The following DCDC2 variants were observed in gnomAD, a reference collection of about 807,000 sequenced individuals.
DCDC2 encodes the protein doublecortin domain containing 2, also known as doublecortin domain-containing protein 2.
In DCDC2, 40 loss-of-function variants were observed where a neutral mutation model predicts 50.2. That is an observed-to-expected ratio of 0.80 (90% confidence interval 0.62 to 1.04). DCDC2 has a LOEUF of 1.04. DCDC2 is among the 50% of genes least tolerant of loss of function. The pLI is 0.00. For missense variants in DCDC2, 570 were observed against 581.9 expected, an observed-to-expected ratio of 0.98 and a Z score of 0.21; for synonymous variants, 234 against 210.6, an observed-to-expected ratio of 1.11 and a Z score of -0.96.
chr6:24,343,398 A>C (rs1760198610), intron 2 of DCDC2, among the ~76,000 whole-genome samples: 1 of 152,190 alleles, frequency 6.6e-6, no homozygotes, highest in Non-Finnish European at 1.5e-5. Context: ...CATTCAATAA[A>C]AAGTTGAATA....
the DCDC2 span, among the ~76,000 whole-genome samples, chr6:24,376,404 G>A: frequency 6.6e-6 from 1 of 152,110 alleles, no homozygotes; most frequent in African/African-American, 2.4e-5. Context: ...CAATGGTGCT[G>A]GCAAGAGACA....
intron 2 of DCDC2, among the ~76,000 whole-genome samples, chr6:24,329,668 A>T (rs1335020977): frequency 6.6e-6 from 1 of 152,222 alleles, no homozygotes; most frequent in African/African-American, 2.4e-5. Context: ...CAAGAGGCCT[A>T]GCTTGCTTTG....
the DCDC2 span, among the ~76,000 whole-genome samples, chr6:24,382,863 AGTTTG>A: frequency 6.6e-6 from 1 of 152,188 alleles, no homozygotes; most frequent in East Asian, 1.9e-4. Flanking sequence ...GGTATAGTCC[AGTTTG>A]GACTATCAGT....
chr6:24,251,906 C>T (rs557060351), intron 7 of DCDC2, among the ~76,000 whole-genome samples: 19 of 152,222 alleles, frequency 1.2e-4, no homozygotes, highest in African/African-American at 4.3e-4. Context: ...ACATCAAATC[C>T]CTGTGCACAT....
At chr6:24,373,662 G>T in the DCDC2 span, among the ~76,000 whole-genome samples, 149,498 of 152,220 alleles carry the variant, frequency 0.98, 73,455 homozygotes, top group East Asian at 1. Context: ...GGGAGCACAT[G>T]GGGTTACTGC....
At chr6:24,359,470 A>AT (rs1479688036), upstream of DCDC2, among the ~76,000 whole-genome samples, 1 of 12,654 alleles carries the variant, frequency 7.9e-5, no homozygotes, top group South Asian at 6.5e-3. Context: ...TATACTATAT[A>AT]ATATATATTT....
At chr6:24,325,041 G>C (rs115895095) in intron 2 of DCDC2, among the ~76,000 whole-genome samples, 2 of 152,072 alleles carry the variant, frequency 1.3e-5, no homozygotes, top group African/African-American at 4.8e-5. Flanking sequence ...GGCCATGTTC[G>C]TCTTACTCTC....
intron 2 of DCDC2, among the ~76,000 whole-genome samples, chr6:24,345,722 G>A (rs944525912): frequency 6.6e-6 from 1 of 152,176 alleles, no homozygotes; most frequent in African/African-American, 2.4e-5. Flanking sequence ...AGGTGAGCTT[G>A]ACCTTCTGCT....
chr6:24,220,880 G>GAGAGTGAGCGAGCA (rs1561895516), intron 7 of DCDC2, among the ~76,000 whole-genome samples: 1 of 114,858 alleles, frequency 8.7e-6, no homozygotes, highest in East Asian at 3.4e-4. Flanking sequence ...AAGAGAGCGA[G>GAGAGTGAGCGAGCA]AGCGAGAGAG....
upstream of DCDC2, among the ~76,000 whole-genome samples, chr6:24,360,653 T>C (rs1483612869): frequency 1.3e-5 from 2 of 152,184 alleles, no homozygotes; most frequent in African/African-American, 4.8e-5. Flanking sequence ...AGTTGAAATT[T>C]TGCAGCTCAT....
rs1762788257 is a variant in DCDC2 at position 24,251,301 on chromosome 6, C to T, written c.922+26748G>A. Reference sequence around the variant, plus strand: ...TCCTTTAAAAGTGAACCCCAAATGGCGCAAATGAATTTCACTTGCGGTTTG... The same window carrying T: ...TCCTTTAAAAGTGAACCCCAAATGGTGCAAATGAATTTCACTTGCGGTTTG... On this transcript the variant is annotated intron_variant, in intron 7 of 9. Transcript: ENST00000378454. Among the ~76,000 whole-genome samples the T allele has an allele frequency of 2.0e-5, 3 of 152,142 alleles. No individual in the cohort carries two copies. The South Asian group carries it at 6.2e-4, about 32-fold the overall frequency.
chr6:24,241,349 A>G (rs763579894), intron 7 of DCDC2, among the ~76,000 whole-genome samples: 59 of 152,184 alleles, frequency 3.9e-4, no homozygotes, highest in Non-Finnish European at 6.5e-4. Flanking sequence ...ACACAAATAT[A>G]TTTCACATAA....
intron 8 of DCDC2, among the ~76,000 whole-genome samples, chr6:24,183,068 T>C (rs367929894): frequency 1.3e-5 from 2 of 152,206 alleles, no homozygotes; most frequent in African/African-American, 4.8e-5. Context: ...TACTGTATGA[T>C]TCTACATGTG....
the DCDC2 span, among the ~76,000 whole-genome samples, chr6:24,368,147 T>G: frequency 0.55 from 82,844 of 151,500 alleles, 24,418 homozygotes; most frequent in East Asian, 0.8. Context: ...AAGAAAAAAA[T>G]AACAAATAAG....
intron 5 of DCDC2, among the ~76,000 whole-genome samples, chr6:24,289,121 A>G (rs1763683458): frequency 1.3e-5 from 2 of 152,192 alleles, no homozygotes; most frequent in African/African-American, 4.8e-5. Flanking sequence ...TTCCTGTATA[A>G]TATTTTAATC....
chr6:24,319,070 T>C (rs898266342), intron 2 of DCDC2, among the ~76,000 whole-genome samples: 1 of 152,154 alleles, frequency 6.6e-6, no homozygotes, highest in Non-Finnish European at 1.5e-5. Flanking sequence ...TATTTCTTTT[T>C]CTCTGCATCC....
intron 7 of DCDC2, among the ~76,000 whole-genome samples, chr6:24,257,689 A>T (rs937240146): frequency 3.7e-4 from 54 of 145,348 alleles, no homozygotes; most frequent in Middle Eastern, 3.4e-3. Flanking sequence ...AAGACGCCTG[A>T]AGTTGGGGAA....
intron 7 of DCDC2, among the ~76,000 whole-genome samples, chr6:24,258,469 T>C (rs994002755): frequency 4.6e-5 from 7 of 152,102 alleles, no homozygotes; most frequent in African/African-American, 1.4e-4. Flanking sequence ...GATTGGTGCA[T>C]TTTACAATCC....
chr6:24,331,057 T>G (rs576316458), intron 2 of DCDC2, among the ~76,000 whole-genome samples: 1 of 152,292 alleles, frequency 6.6e-6, no homozygotes, highest in Admixed American at 6.5e-5. Flanking sequence ...TGCTTTCTTT[T>G]GTTTCCAGCT....
Sources: gnomAD v4.1 joint callset for allele counts (sites outside exome capture counted in the v4.1 genomes callset) on GRCh38, gnomAD v4.1.1 for gene constraint, MANE v1.5 for transcripts, NCBI Gene and HGNC (gene_info 2026-07-23, HGNC 2026-07-21) for gene names.